The following ZNF641 variants were observed in gnomAD, a reference collection of about 807,000 sequenced individuals.
ZNF641 encodes zinc finger protein 641.
ZNF641 carries 26 observed loss-of-function variants against 46.2 expected under a neutral mutation model. That is an observed-to-expected ratio of 0.56 (90% CI 0.41 to 0.78). ZNF641 has a LOEUF of 0.78. Among genes scored for constraint, ZNF641 ranks in the 30% least tolerant of loss-of-function variants. The pLI, the probability that ZNF641 is intolerant of heterozygous loss-of-function variation, is 0.00. For missense variants in ZNF641, 469 were observed against 517.8 expected (o/e 0.91, Z 0.91); for synonymous variants, 163 against 187.9 (o/e 0.87, Z 1.09).
intron 3 of ZNF641, among the ~76,000 whole-genome samples, chr12:48,345,704 A>G (rs1952852760): frequency 6.6e-6 from 1 of 152,156 alleles, no homozygotes; most frequent in Non-Finnish European, 1.5e-5. Flanking sequence ...GAATTTCCCA[A>G]GTGGGGCCAT....
In ZNF641 at chr12:48,342,097, G is replaced by C. The variant is rs1952733054; in HGVS notation, c.*876C>G. On this transcript the variant is annotated 3_prime_UTR_variant, in exon 6 of 6. Coordinates refer to ENST00000547026, the MANE Select transcript of ZNF641 (RefSeq NM_001172681.2). ...GACAGTCAAGAGGAGAGAGGGGACT[G>C]TTCAAGGGGATAAAGTTTTTTTTGT... 6 of 985,516 alleles carry C rather than the reference G, an allele frequency of 6.1e-6. No homozygotes were observed. In the South Asian group the frequency reaches 2.3e-4, roughly 39 times the overall value. The allele number at this position is 985,516 out of a possible 1,614,324, so 61.0% of individuals were successfully genotyped here.
intron 1 of ZNF641, among the ~76,000 whole-genome samples, chr12:48,349,188 T>C (rs538225721): frequency 1.3e-3 from 205 of 152,136 alleles, no homozygotes; most frequent in South Asian, 3.5e-3. Context: ...AGAGAAGAGA[T>C]TTAGGTTATT....
Position 48,342,223 on chromosome 12 carries a change from G to A in ZNF641, c.*750C>T, listed in dbSNP as rs1952736318. The A allele has an allele frequency of 1.0e-6, 1 of 985,440 alleles. No homozygotes were observed. The highest frequency in any genetic ancestry group is 1.7e-5 in the African/African-American group (1 of 57,254). 61.0% of individuals were successfully genotyped at this position (985,440 alleles called of 1,614,324 possible). A position where few individuals can be genotyped will look rare whatever the true frequency, so the allele number is the denominator to read the frequency against. On this transcript the variant is annotated 3_prime_UTR_variant, in exon 6 of 6. Coordinates refer to ENST00000547026, the MANE Select transcript of ZNF641 (RefSeq NM_001172681.2). ...AGCTGGATATATGTATGTGCAGGAT[G>A]AAGGGAGTAGGAATAATGGGTAAAA...
chr12:48,345,135 A>G (rs1565992611), intron 4 of ZNF641, among the ~76,000 whole-genome samples: 1 of 152,004 alleles, frequency 6.6e-6, no homozygotes, highest in Non-Finnish European at 1.5e-5. Context: ...TCCACAATTA[A>G]GCATCATTTG....
At position 48,342,408 on chromosome 12, in the gene ZNF641, T is replaced by C. The variant is rs567960708; in HGVS notation, c.*565A>G. On this transcript the variant is annotated 3_prime_UTR_variant, in exon 6 of 6. Transcript: ENST00000547026. ...CTGATCACTATCTCTTGTTTCCTTG[T>C]TACTCTCTAACCCAGTGTTCACCAG... is the stretch of plus-strand genomic sequence containing the variant. 20 of 986,094 alleles carry C rather than the reference T, an allele frequency of 2.0e-5. 1 individual carries two copies. The South Asian group carries it at 8.4e-4, about 42-fold the overall frequency. 61.1% of individuals were successfully genotyped at this position (986,094 alleles called of 1,614,324 possible).
In ZNF641 at chr12:48,337,928, C is replaced by T. The variant is rs1306542707; in HGVS notation, c.*5045G>A. 3 of 152,094 alleles carry T rather than the reference C, an allele frequency of 2.0e-5. No individual in the cohort carries two copies. The highest frequency in any genetic ancestry group is 6.5e-5 in the Admixed American group (1 of 15,276). The allele number at this position is 152,094 out of a possible 1,614,324, so 9.4% of individuals were successfully genotyped here. A position where few individuals can be genotyped will look rare whatever the true frequency, so the allele number is the denominator to read the frequency against. ...AAGTGGAAAACAACTTTGGAAGTTA[C>T]CTGATTGGAAGAAGAACCTCTAGGG... On this transcript the variant is annotated 3_prime_UTR_variant, in exon 6 of 6. Transcript: ENST00000547026.
intron 2 of ZNF641, among the ~76,000 whole-genome samples, chr12:48,347,646 A>G (rs1180790511): frequency 6.6e-6 from 1 of 152,234 alleles, no homozygotes; most frequent in Non-Finnish European, 1.5e-5. Context: ...CACTTCCTTC[A>G]TCTCCCTCAT....
chr12:48,346,693 T>C (rs1222143625), intron 3 of ZNF641, among the ~76,000 whole-genome samples: 1 of 152,148 alleles, frequency 6.6e-6, no homozygotes, highest in African/African-American at 2.4e-5. Flanking sequence ...CTCCTGTGGA[T>C]AACAAACACA....
At chr12:48,344,127 A>G (rs1952797850) in intron 5 of ZNF641, among the ~76,000 whole-genome samples, 4 of 152,220 alleles carry the variant, frequency 2.6e-5, no homozygotes, top group Admixed American at 2.6e-4. Context: ...ACTATTAATC[A>G]GCATCTTTCT....
Position 48,347,255 on chromosome 12 carries a change from T to C in ZNF641, c.273A>G (p.Ser91=). Residue 91 remains serine, a synonymous_variant, in exon 3 of 6, where the codon TCA becomes TCG. Transcript: ENST00000547026. ...CGCCAAGGGAAGCAGAGCTCACCTG[T>C]GATCCAGCCGCAAGAAGTGCAGCTG... The part of the protein sequence containing the change: ...EMAAALLAAG[S]QGLVTIKDVS... The C allele has an allele frequency of 7.4e-6, 12 of 1,613,872 alleles. No individual in the cohort carries two copies. Among genetic ancestry groups the C allele is most frequent in the Non-Finnish European group, 1.0e-5 (12 of 1,179,844 alleles).
rs1472760759 is a variant in ZNF641, at chr12:48,350,892, G to T, written c.-132C>A. ...GGAGCCGGCGGCCGGCGGAGCCAGC[G>T]ACAGGCGGAGACGGCGGCCCGGCAG... On this transcript the variant is annotated 5_prime_UTR_variant, in exon 1 of 6. Transcript: ENST00000547026. The T allele has an allele frequency of 3.0e-6, 3 of 983,900 alleles. No individual in the cohort carries two copies. The highest frequency in any genetic ancestry group is 1.7e-5 in the African/African-American group (1 of 57,164). The allele number at this position is 983,900 out of a possible 1,614,324, so 60.9% of individuals were successfully genotyped here.
At chr12:48,350,981 AG>A, upstream of ZNF641, 1 of 310,804 alleles carries the variant, frequency 3.2e-6, no homozygotes, top group Non-Finnish European at 4.3e-6. Context: ...GCGGCGGCGG[AG>A]GTGCGGGGAG....
downstream of ZNF641, among the ~76,000 whole-genome samples, chr12:48,336,893 C>A (rs1483220385): frequency 1.3e-5 from 2 of 152,206 alleles, no homozygotes; most frequent in African/African-American, 4.8e-5. Context: ...CAGCAGTCTG[C>A]CGCTGAAGTG....
At position 48,350,105 on chromosome 12, in the gene ZNF641, G is replaced by T. The variant is rs1184101064; in HGVS notation, c.-26+681C>A. 1.9e-6 allele frequency: 3 copies of T among 1,613,984 alleles called. No homozygotes were observed. The East Asian group carries it at 6.7e-5, about 36-fold the overall frequency. ...CAGAGCCAGCACCTGGGCGGTTAAG[G>T]TGGTAGCCCTAACCTCGTTTCTCCT... is the stretch of plus-strand genomic sequence containing the variant. On this transcript the variant is annotated intron_variant, in intron 1 of 5. Transcript: ENST00000547026.
Position 48,338,786 on chromosome 12 carries a change from A to C in ZNF641, c.*4187T>G, listed in dbSNP as rs986131750. Reference sequence around the variant, plus strand: ...TGCCCTTGCCCATAGGGTATGCCAAATCATGGTTAGAAATCCCTTCCATGG... The same window carrying C: ...TGCCCTTGCCCATAGGGTATGCCAACTCATGGTTAGAAATCCCTTCCATGG... On this transcript the variant is annotated 3_prime_UTR_variant, in exon 6 of 6. Coordinates refer to ENST00000547026, the MANE Select transcript of ZNF641 (RefSeq NM_001172681.2). 4.6e-5 allele frequency: 7 copies of C among 152,184 alleles called. No homozygotes were observed. Among genetic ancestry groups the C allele is most frequent in the Admixed American group, 2.0e-4 (3 of 15,278 alleles). The allele number at this position is 152,184 out of a possible 1,614,324, so 9.4% of individuals were successfully genotyped here. A position where few individuals can be genotyped will look rare whatever the true frequency, so the allele number is the denominator to read the frequency against.
chr12:48,340,199 C>T lies in ZNF641; in HGVS notation c.*2774G>A. On this transcript the variant is annotated 3_prime_UTR_variant, in exon 6 of 6. Transcript: ENST00000547026. ...GACCGAGGTAGAGAAGACAGTGGTA[C>T]ACCAGAAATAACCCAAAGGATTGCC... The T allele has an allele frequency of 2.0e-6, 2 of 985,418 alleles. No homozygotes were observed. Among genetic ancestry groups the T allele is most frequent in the Non-Finnish European group, 2.4e-6 (2 of 829,928 alleles). The allele number at this position is 985,418 out of a possible 1,614,324, so 61.0% of individuals were successfully genotyped here. A position where few individuals can be genotyped will look rare whatever the true frequency, so the allele number is the denominator to read the frequency against.
At chr12:48,347,030 A>C (rs1318464115) in intron 3 of ZNF641, 16 of 845,516 alleles carry the variant, frequency 1.9e-5, no homozygotes, top group Non-Finnish European at 2.6e-5. Flanking sequence ...AAACAAAACA[A>C]AACTCAAAAA....
In ZNF641 at chr12:48,344,622, TC is replaced by T; in HGVS notation, c.496del (p.Asp166ThrfsTer3). On this transcript the variant is annotated frameshift_variant, in exon 5 of 6. Transcript: ENST00000547026. LOFTEE classifies it high-confidence loss of function. ...ACCTGTATATGTGACCCTCAGAATG[TC>T]CCTCTCCTCTAAGTCCTGGGGGTCA... Reference protein sequence around the residue: ...VPDPQDLEERDILRVTYTGDG... With the variant: ...VPDPQDLEERXILRVTYTGDG... 1 of 1,612,892 alleles carries T rather than the reference TC, an allele frequency of 6.2e-7. No homozygotes were observed. The highest frequency in any genetic ancestry group is 8.5e-7 in the Non-Finnish European group (1 of 1,178,948).
Position 48,341,131 on chromosome 12 carries a change from A to C in ZNF641, c.*1842T>G. The C allele has an allele frequency of 1.0e-6, 1 of 985,370 alleles. No homozygotes were observed. Among genetic ancestry groups the C allele is most frequent in the Non-Finnish European group, 1.2e-6 (1 of 829,924 alleles). 61.0% of individuals were successfully genotyped at this position (985,370 alleles called of 1,614,324 possible). ...ATCTTCAATTCTAGTTGAGTCCAGG[A>C]CTCTGAGGAGCTGTGATTCACCCAG... On this transcript the variant is annotated 3_prime_UTR_variant, in exon 6 of 6. Transcript: ENST00000547026.
Sources: allele counts gnomAD v4.1 joint callset (sites outside exome capture counted in the v4.1 genomes callset), GRCh38; gene constraint gnomAD v4.1.1; transcripts MANE v1.5; gene names NCBI Gene and HGNC (gene_info 2026-07-23, HGNC 2026-07-21).